USP10: variants seen among roughly 807,000 people sequenced by gnomAD.
The protein encoded by USP10 is ubiquitin specific peptidase 10.
Under a neutral mutation model 84.5 loss-of-function variants are expected in USP10, and 22 were observed. The observed-to-expected ratio is 0.26, with a 90% CI of 0.19 to 0.37. The LOEUF is 0.37. Among genes scored for constraint, USP10 ranks in the 10% least tolerant of loss-of-function variants. The probability of loss-of-function intolerance (pLI) is 1.00; values close to 1 mark genes in which losing one functional copy is unlikely to be tolerated. For synonymous variants in USP10, 454 were observed against 387.6 expected, an observed-to-expected ratio of 1.17 and a Z score of -2.01; for missense variants, 1,019 against 998.9, an observed-to-expected ratio of 1.02 and a Z score of -0.27.
chr16:84,718,538 C>T (rs949741388), intron 1 of USP10, among the ~76,000 whole-genome samples: 1 of 152,122 alleles, frequency 6.6e-6, no homozygotes, highest in African/African-American at 2.4e-5. Flanking sequence ...GCGGGTGGAT[C>T]ACCTGTCAGG....
rs10438619 is a variant in USP10 at position 84,734,545 on chromosome 16, A to G, written c.90+1042A>G. The stretch of plus-strand genomic sequence containing the variant: ...TTTACAGGCATCTGTTCCTAGCATG[A>G]GGGCTTTAAGCTTCACATGTTAGGT... On this transcript the variant is annotated intron_variant, in intron 2 of 13. Coordinates refer to ENST00000219473, the MANE Select transcript of USP10 (RefSeq NM_005153.3). Among the ~76,000 whole-genome samples the G allele has an allele frequency of 7.3e-3, 1,113 of 152,260 alleles. 19 individuals carry two copies. Among genetic ancestry groups the G allele is most frequent in the African/African-American group, 0.024 (1,000 of 41,544 alleles).
rs976136730 is a variant in USP10, at chr16:84,700,171, G to C, written c.21+60G>C. 494 of 1,182,296 alleles carry C rather than the reference G, an allele frequency of 4.2e-4. 2 individuals carry two copies. In the African/African-American group the frequency reaches 7.2e-3, roughly 17 times the overall value. The allele number at this position is 1,182,296 out of a possible 1,614,324, so 73.2% of individuals were successfully genotyped here. On this transcript the variant is annotated intron_variant, in intron 1 of 13. Coordinates refer to ENST00000219473, the MANE Select transcript of USP10 (RefSeq NM_005153.3). The stretch of plus-strand genomic sequence containing the variant: ...CCCGAGCCCCGGGCGGGCGGACGCC[G>C]CGGCGGGCGGGCGTCCGCGCCCTGC...
chr16:84,719,892 C>T (rs1018414224), intron 1 of USP10, among the ~76,000 whole-genome samples: 8 of 152,250 alleles, frequency 5.3e-5, no homozygotes, highest in African/African-American at 1.7e-4. Context: ...AGACAGCAAA[C>T]AGTGGATTCC....
At position 84,733,177 on chromosome 16, in the gene USP10, A is replaced by T. The variant is rs1597326786; in HGVS notation, c.22-258A>T. On this transcript the variant is annotated intron_variant, in intron 1 of 13. Coordinates refer to ENST00000219473, the MANE Select transcript of USP10 (RefSeq NM_005153.3). Reference sequence around the variant, plus strand: ...GCAAGCAGGACTCGACAAGTTTGGCATACAAAATTGATTTGTTTCAAAATA... The same window carrying T: ...GCAAGCAGGACTCGACAAGTTTGGCTTACAAAATTGATTTGTTTCAAAATA... 3 of 540,728 alleles carry T rather than the reference A, an allele frequency of 5.5e-6. No individual in the cohort carries two copies. In the East Asian group the frequency reaches 1.3e-4, roughly 23 times the overall value. The allele number at this position is 540,728 out of a possible 1,614,324, so 33.5% of individuals were successfully genotyped here. A position where few individuals can be genotyped will look rare whatever the true frequency, so the allele number is the denominator to read the frequency against.
chr16:84,769,925 A>T (rs915158400), intron 11 of USP10, among the ~76,000 whole-genome samples: 2 of 152,146 alleles, frequency 1.3e-5, no homozygotes, highest in African/African-American at 4.8e-5. Flanking sequence ...TTTATCCTAA[A>T]TAGCAGGTTT....
Position 84,744,993 on chromosome 16 carries a change from T to G in USP10, c.512T>G (p.Ile171Ser). 6.2e-7 allele frequency: 1 copy of G among 1,613,748 alleles called. No homozygotes were observed. Among genetic ancestry groups the G allele is most frequent in the Non-Finnish European group, 8.5e-7 (1 of 1,179,714 alleles). The change falls in exon 4 of 14, where the codon ATC becomes AGC. Residue 171 changes from isoleucine to serine, a missense_variant. Ile to Ser is a moderately radical substitution (Grantham distance 142, BLOSUM62 -2). Around this residue, in one of 2 missense-constraint regions of USP10, gnomAD observed 787 missense variants for 708.8 expected, o/e 1.11. Transcript: ENST00000219473. ...TTGAAAGATGGTGGCGATGATAGTATCTCCACAGAAGCCCTGGTCAATGGC... is the reference window on the plus strand; with the variant it reads ...TTGAAAGATGGTGGCGATGATAGTAGCTCCACAGAAGCCCTGGTCAATGGC... ...SYLKDGGDDSISTEALVNGHA... is the reference protein window; with the variant it reads ...SYLKDGGDDSSSTEALVNGHA...
intron 1 of USP10, among the ~76,000 whole-genome samples, chr16:84,719,097 AGTTGT>A (rs1219962367): frequency 1.3e-5 from 2 of 151,750 alleles, no homozygotes; most frequent in Admixed American, 6.6e-5. Context: ...CGGCCAGTTT[AGTTGT>A]TGTTGTTGTT....
chr16:84,745,074 G>T lies in USP10; in HGVS notation c.593G>T (p.Gly198Val), dbSNP rs1476649512. Residue 198 changes from glycine to valine, a missense_variant, in exon 4 of 14, where the codon GGT (glycine) becomes GTT (valine). Around this residue, in one of 2 missense-constraint regions of USP10, gnomAD observed 787 missense variants for 708.8 expected, o/e 1.11. Transcript: ENST00000219473. Reference sequence around the variant, plus strand: ...AGTGCAGAGGATGCAGAATTTATGGGTGACATGCCCCCGTCAGTTACGCCC... The same window carrying T: ...AGTGCAGAGGATGCAGAATTTATGGTTGACATGCCCCCGTCAGTTACGCCC... ...SVSAEDAEFM[G>V]DMPPSVTPRT... 8 of 1,613,656 alleles carry T rather than the reference G, an allele frequency of 5.0e-6. No homozygotes were observed. Among genetic ancestry groups the T allele is most frequent in the Non-Finnish European group, 6.8e-6 (8 of 1,179,630 alleles).
At chr16:84,753,281 AATAT>A (rs1912145965) in intron 4 of USP10, among the ~76,000 whole-genome samples, 1 of 152,142 alleles carries the variant, frequency 6.6e-6, no homozygotes, top group Non-Finnish European at 1.5e-5. Flanking sequence ...ATATATCTTT[AATAT>A]GTCAAGATGT....
chr16:84,740,411 C>T, intron 3 of USP10, 42 bp downstream of exon 3: 2 of 1,559,960 alleles, frequency 1.3e-6, no homozygotes, highest in Non-Finnish European at 1.8e-6. Context: ...GGAATTTGGC[C>T]ATACGTGCTG....
At chr16:84,753,402 TCTC>T (rs1409620443) in intron 4 of USP10, among the ~76,000 whole-genome samples, 42 of 152,336 alleles carry the variant, frequency 2.8e-4, no homozygotes, top group Admixed American at 6.5e-4. Context: ...GCTTTTCCCT[TCTC>T]CTTCCACCTC....
At chr16:84,754,418 C>T (rs1373215313) in intron 4 of USP10, among the ~76,000 whole-genome samples, 1 of 152,134 alleles carries the variant, frequency 6.6e-6, no homozygotes, top group Non-Finnish European at 1.5e-5. Context: ...AATGGCCTTT[C>T]AAAGACTGTC....
intron 8 of USP10, among the ~76,000 whole-genome samples, chr16:84,761,436 A>G (rs187666097): frequency 1.6e-4 from 24 of 152,342 alleles, no homozygotes; most frequent in African/African-American, 3.6e-4. Context: ...ACCCGTGGCT[A>G]TGGTTGCTGA....
chr16:84,739,247 G>C (rs926727043), intron 2 of USP10, among the ~76,000 whole-genome samples: 10 of 146,570 alleles, frequency 6.8e-5, no homozygotes, highest in African/African-American at 2.5e-4. Context: ...TTTTAGTAGA[G>C]ACAGGGTTTG....
chr16:84,737,506 T>G (rs1399317203), intron 2 of USP10, among the ~76,000 whole-genome samples: 4 of 152,244 alleles, frequency 2.6e-5, no homozygotes, highest in Non-Finnish European at 5.9e-5. Flanking sequence ...GCTGTGTGCC[T>G]GTGGAATAAA....
chr16:84,720,299 G>C (rs78035613), intron 1 of USP10, among the ~76,000 whole-genome samples: 3 of 152,096 alleles, frequency 2.0e-5, no homozygotes, highest in African/African-American at 7.2e-5. Context: ...CGGTTCCAGC[G>C]TATTTTATTA....
chr16:84,736,136 C>T (rs1321292809), intron 2 of USP10, among the ~76,000 whole-genome samples: 1 of 152,122 alleles, frequency 6.6e-6, no homozygotes. Context: ...ACAGTTTGGC[C>T]TTTTATCTCT....
intron 1 of USP10, among the ~76,000 whole-genome samples, chr16:84,706,292 C>T (rs745958686): frequency 9.2e-5 from 14 of 152,090 alleles, no homozygotes; most frequent in Admixed American, 2.6e-4. Flanking sequence ...TAGAGGTTTT[C>T]GAGATTCCTG....
intron 4 of USP10, among the ~76,000 whole-genome samples, chr16:84,751,467 G>GT (rs1911928222): frequency 6.6e-6 from 1 of 152,226 alleles, no homozygotes; most frequent in African/African-American, 2.4e-5. Context: ...CGTGATCTAA[G>GT]TTAAAAAGGC....
Sources: gnomAD v4.1 joint callset for allele counts (sites outside exome capture counted in the v4.1 genomes callset) on GRCh38, gnomAD v4.1.1 for gene constraint, gnomAD v4.1.1 regional missense constraint, MANE v1.5 for transcripts, NCBI Gene and HGNC (gene_info 2026-07-23, HGNC 2026-07-21) for gene names.